Variants in CCDC50 observed in about 807,000 individuals in gnomAD.
CCDC50 encodes coiled-coil domain-containing protein 50.
A neutral mutation model predicts 70.2 loss-of-function variants in CCDC50; 54 were observed. The observed-to-expected ratio is 0.77, with a 90% CI of 0.62 to 0.96. The LOEUF is 0.96. Among genes scored for constraint, CCDC50 ranks in the 50% least tolerant of loss-of-function variants. The probability of loss-of-function intolerance (pLI) is 0.00; values close to 1 mark genes in which losing one functional copy is unlikely to be tolerated. For missense variants in CCDC50, 558 were observed against 578.7 expected (o/e 0.96, Z 0.37); for synonymous variants, 216 against 198.8 (o/e 1.09, Z -0.73).
rs1576969106 is a variant in CCDC50, at chr3:191,375,355, A to C, written c.742A>C (p.Ser248Arg). ...LPTISGEVFLSTECDDWETKI... is the reference protein window; with the variant it reads ...LPTISGEVFLRTECDDWETKI... Reference sequence around the variant, plus strand: ...CACGATCAGTGGTGAAGTGTTTCTGAGCACTGAATGTGATGACTGGGAGAC... The same window carrying C: ...CACGATCAGTGGTGAAGTGTTTCTGCGCACTGAATGTGATGACTGGGAGAC... The change falls in exon 6 of 12, where the codon AGC becomes CGC. Residue 248 changes from serine (S) to arginine (R), a missense_variant. By Grantham distance (110) the Ser-to-Arg change is moderately radical. Coordinates refer to ENST00000392455, the MANE Select transcript of CCDC50 (RefSeq NM_178335.3). The C allele has an allele frequency of 4.3e-6, 7 of 1,613,734 alleles. No individual in the cohort carries two copies. The South Asian group carries it at 5.5e-5, about 13-fold the overall frequency.
intron 1 of CCDC50, among the ~76,000 whole-genome samples, chr3:191,346,608 A>G (rs1404142060): frequency 6.6e-6 from 1 of 152,194 alleles, no homozygotes; most frequent in Non-Finnish European, 1.5e-5. Context: ...TCAGAATGTC[A>G]GTTGTTTCTA....
intron 1 of CCDC50, among the ~76,000 whole-genome samples, chr3:191,335,060 T>G (rs1374214426): frequency 6.6e-6 from 1 of 152,166 alleles, no homozygotes; most frequent in African/African-American, 2.4e-5. Flanking sequence ...TTAAACGTAT[T>G]GGAGAAATAA....
In CCDC50 at chr3:191,397,083, G is replaced by A. The variant is rs777446834; in HGVS notation, c.*5323G>A. The A allele has an allele frequency of 1.3e-5, 2 of 152,128 alleles. No individual in the cohort carries two copies. Among genetic ancestry groups the A allele is most frequent in the Non-Finnish European group, 2.9e-5 (2 of 68,012 alleles). The allele number at this position is 152,128 out of a possible 1,614,324, so 9.4% of individuals were successfully genotyped here. On this transcript the variant is annotated 3_prime_UTR_variant, in exon 12 of 12. Transcript: ENST00000392455. ...GTAACTTAATGCCCTGTTATTCATT[G>A]CTGAGGTTCATATAAAGAATAGAAA...
intron 6 of CCDC50, among the ~76,000 whole-genome samples, chr3:191,377,189 A>G (rs750097638): frequency 6.6e-6 from 1 of 152,138 alleles, no homozygotes; most frequent in Non-Finnish European, 1.5e-5. Context: ...TTACCTTTCT[A>G]GCCCCCGTAG....
At position 191,380,154 on chromosome 3, in the gene CCDC50, T is replaced by TTTA; in HGVS notation, c.977-5_977-4insTTA. 1.4e-6 allele frequency: 2 copies of TTTA among 1,460,396 alleles called. No individual in the cohort carries two copies. The highest frequency in any genetic ancestry group is 1.8e-5 in the Admixed American group (1 of 55,908). The allele number at this position is 1,460,396 out of a possible 1,614,324, so 90.5% of individuals were successfully genotyped here. A position where few individuals can be genotyped will look rare whatever the true frequency, so the allele number is the denominator to read the frequency against. ...ATTACATTGAGTTTTTTTTTTTTTT[T>TTTA]AAAGGAATGAAGCCAAGAGTGATGA... On this transcript the variant is annotated splice_region_variant and splice_polypyrimidine_tract_variant and intron_variant, in intron 6 of 11. Transcript: ENST00000392455.
intron 2 of CCDC50, 118 bp downstream of exon 2, chr3:191,357,268 C>A (rs1346976413): frequency 2.5e-6 from 2 of 795,720 alleles, no homozygotes; most frequent in East Asian, 5.3e-5. Context: ...ACCATCCATA[C>A]ATCCTGAAGG....
At chr3:191,380,312 TG>T in intron 7 of CCDC50, 38 bp downstream of exon 7, 3 of 1,295,190 alleles carry the variant, frequency 2.3e-6, no homozygotes, top group Non-Finnish European at 3.4e-6. Context: ...GATATATTGA[TG>T]GGTATTTTTT....
intron 1 of CCDC50, among the ~76,000 whole-genome samples, chr3:191,337,829 G>GT (rs879619471): frequency 3.3e-4 from 48 of 147,378 alleles, no homozygotes; most frequent in South Asian, 1.9e-3. Context: ...GTTTCCTTAC[G>GT]TTTTTTTTTT....
chr3:191,365,330 T>C (rs1032864913), intron 4 of CCDC50, among the ~76,000 whole-genome samples: 8 of 151,790 alleles, frequency 5.3e-5, no homozygotes, highest in African/African-American at 1.9e-4. Context: ...CATAGCACTC[T>C]TTAAAAAGAT....
chr3:191,329,638 G>A lies in CCDC50; in HGVS notation c.-37G>A. On this transcript the variant is annotated 5_prime_UTR_variant, in exon 1 of 12. Coordinates refer to ENST00000392455, the MANE Select transcript of CCDC50 (RefSeq NM_178335.3). ...GCTCGGCGCCGGCGGTGACCGGGAA[G>A]CCCGCGTTAAAGGGGCAACCGGGAC... 6.3e-7 allele frequency: 1 copy of A among 1,594,788 alleles called. No individual in the cohort carries two copies. Among genetic ancestry groups the A allele is most frequent in the Non-Finnish European group, 8.5e-7 (1 of 1,172,080 alleles).
chr3:191,357,134 C>T lies in CCDC50; in HGVS notation c.96C>T (p.Ser32=). 3.7e-6 allele frequency: 6 copies of T among 1,613,582 alleles called. No individual in the cohort carries two copies. Among genetic ancestry groups the T allele is most frequent in the African/African-American group, 1.3e-5 (1 of 74,992 alleles). Residue 32 remains serine (S), a synonymous_variant, in exon 2 of 12, where the codon AGC becomes AGT. Coordinates refer to ENST00000392455, the MANE Select transcript of CCDC50 (RefSeq NM_178335.3). ...TGGAGGACCACACCCTGGCTCACAGCCTGCAGGAACAAGAGAGTGAGTAAT... is the reference window on the plus strand; with the variant it reads ...TGGAGGACCACACCCTGGCTCACAGTCTGCAGGAACAAGAGAGTGAGTAAT... The part of the protein sequence containing the change: ...AVLEDHTLAH[S]LQEQEIEHHL...
chr3:191,382,128 CCTTAA>C (rs1212085073), intron 9 of CCDC50, among the ~76,000 whole-genome samples: 1 of 152,022 alleles, frequency 6.6e-6, no homozygotes, highest in African/African-American at 2.4e-5. Flanking sequence ...TTCTTTGCTA[CCTTAA>C]CTAGGAAAGG....
chr3:191,385,213 T>G lies in CCDC50; in HGVS notation c.1322+2388T>G, dbSNP rs113208539. Reference sequence around the variant, plus strand: ...ATTGCCAGGGTAATGGTAGCTCTATTTTTAGTTCTTTGAGAAGTCTCCAAA... The same window carrying G: ...ATTGCCAGGGTAATGGTAGCTCTATGTTTAGTTCTTTGAGAAGTCTCCAAA... On this transcript the variant is annotated intron_variant, in intron 10 of 11. Transcript: ENST00000392455. Among the ~76,000 whole-genome samples, 1,102 of 152,298 alleles carry G rather than the reference T, an allele frequency of 7.2e-3. 11 individuals are homozygous for G. Among genetic ancestry groups the G allele is most frequent in the African/African-American group, 0.024 (992 of 41,562 alleles).
chr3:191,395,048 T>C lies in CCDC50; in HGVS notation c.*3288T>C, dbSNP rs915234076. The stretch of plus-strand genomic sequence containing the variant: ...ATAGCTAAATTAGAAAAGAAAGATA[T>C]GGATAGATGCTTTTAGGAGGAAAAC... On this transcript the variant is annotated 3_prime_UTR_variant, in exon 12 of 12. Coordinates refer to ENST00000392455, the MANE Select transcript of CCDC50 (RefSeq NM_178335.3). The C allele has an allele frequency of 6.6e-6, 1 of 152,150 alleles. No homozygotes were observed. Among genetic ancestry groups the C allele is most frequent in the African/African-American group, 2.4e-5 (1 of 41,440 alleles). The allele number at this position is 152,150 out of a possible 1,614,324, so 9.4% of individuals were successfully genotyped here.
chr3:191,362,417 G>A (rs1712525655), intron 4 of CCDC50, among the ~76,000 whole-genome samples: 2 of 152,048 alleles, frequency 1.3e-5, no homozygotes, highest in Admixed American at 1.3e-4. Context: ...GAGCCCCTGT[G>A]CCCAGCTTAG....
intron 4 of CCDC50, among the ~76,000 whole-genome samples, chr3:191,362,705 T>G (rs757528382): frequency 6.6e-5 from 10 of 152,304 alleles, no homozygotes; most frequent in Non-Finnish European, 8.8e-5. Flanking sequence ...GGGTCATCAG[T>G]AAACAGCCTA....
chr3:191,367,402 T>C (rs1712733644), intron 4 of CCDC50, among the ~76,000 whole-genome samples: 1 of 152,104 alleles, frequency 6.6e-6, no homozygotes, highest in South Asian at 2.1e-4. Flanking sequence ...CCCCTAAATC[T>C]CAATGTTAAA....
At chr3:191,379,473 G>A (rs1381115894) in intron 6 of CCDC50, among the ~76,000 whole-genome samples, 1 of 152,090 alleles carries the variant, frequency 6.6e-6, no homozygotes, top group Non-Finnish European at 1.5e-5. Context: ...TTTAAAGCCA[G>A]AATTGCTTTA....
intron 11 of CCDC50, among the ~76,000 whole-genome samples, chr3:191,390,620 C>T (rs573766102): frequency 3.6e-4 from 55 of 152,252 alleles, no homozygotes; most frequent in African/African-American, 1.3e-3. Context: ...TGTCATGGCT[C>T]TGGTGGGAGT....
Sources: allele counts gnomAD v4.1 joint callset (sites outside exome capture counted in the v4.1 genomes callset), GRCh38; gene constraint gnomAD v4.1.1; transcripts MANE v1.5; gene names NCBI Gene and HGNC (gene_info 2026-07-23, HGNC 2026-07-21).